Variants in PDE4D observed in about 807,000 individuals in gnomAD.
The protein encoded by PDE4D is 3',5'-cyclic-AMP phosphodiesterase 4D.
In PDE4D, 24 loss-of-function variants were observed where a neutral mutation model predicts 87.4. The ratio of observed to expected loss-of-function variants is 0.27; its 90% CI spans 0.20 to 0.39. The LOEUF (loss-of-function observed/expected upper bound fraction) is 0.39, where lower values mean the gene tolerates loss of function less well. Ranked by LOEUF, PDE4D falls within the 10% of genes least tolerant of loss-of-function variation. PDE4D has a pLI of 1.00. For missense variants in PDE4D, 714 were observed against 1,041.0 expected (o/e 0.69, Z 4.32); for synonymous variants, 384 against 383.2 (o/e 1.00, Z -0.02).
At chr5:59,984,312 A>G (rs1348956262) in intron 3 of PDE4D, among the ~76,000 whole-genome samples, 1 of 152,244 alleles carries the variant, frequency 6.6e-6, no homozygotes, top group Non-Finnish European at 1.5e-5. Context: ...TGCCACGTTC[A>G]TAACATTTCA....
intron 5 of PDE4D, among the ~76,000 whole-genome samples, chr5:59,126,634 A>G (rs193028830): frequency 6.6e-6 from 1 of 152,346 alleles, no homozygotes; most frequent in East Asian, 1.9e-4. Flanking sequence ...CATTTGAAAT[A>G]GGAGTTTCAC....
At chr5:59,909,527 C>T (rs575208501) in intron 3 of PDE4D, among the ~76,000 whole-genome samples, 25 of 152,014 alleles carry the variant, frequency 1.6e-4, no homozygotes, top group Non-Finnish European at 3.2e-4. Flanking sequence ...TCCCGAGCAG[C>T]GGGATTACAG....
At chr5:60,337,380 T>TACACACACACACACACACACAC (rs1474890248) in intron 1 of PDE4D, among the ~76,000 whole-genome samples, 1 of 118,214 alleles carries the variant, frequency 8.5e-6, no homozygotes, top group African/African-American at 3.8e-5. Flanking sequence ...TATATATATA[T>TACACACACACACACACACACAC]ATATATATAC....
At chr5:59,931,412 TAC>T (rs1285270728) in intron 3 of PDE4D, among the ~76,000 whole-genome samples, 2 of 152,176 alleles carry the variant, frequency 1.3e-5, no homozygotes, top group African/African-American at 4.8e-5. Flanking sequence ...GAAACTTTCT[TAC>T]AGTTACGGAG....
chr5:59,189,422 G>C (rs1272239813), intron 3 of PDE4D, among the ~76,000 whole-genome samples: 1 of 151,854 alleles, frequency 6.6e-6, no homozygotes, highest in Non-Finnish European at 1.5e-5. Flanking sequence ...GGTTTCTCCA[G>C]GGATCCAGCA....
intron 1 of PDE4D, among the ~76,000 whole-genome samples, chr5:60,475,405 C>T (rs565009844): frequency 1.3e-5 from 2 of 152,136 alleles, no homozygotes; most frequent in South Asian, 2.1e-4. Flanking sequence ...GCCAGAAGAG[C>T]CAGGTCCTTC....
rs747795129 is a variant in PDE4D, at chr5:58,975,028, A to T, written c.2066T>A (p.Leu689His). 1 of 1,597,742 alleles carries T rather than the reference A, an allele frequency of 6.3e-7. No individual in the cohort carries two copies. The highest frequency in any genetic ancestry group is 1.1e-5 in the South Asian group (1 of 89,310). ...VHPLWETWAD[L>H]VHPDAQDILD... ...AATATCCTGGGCGTCAGGGTGGACGAGGTCTGCCCATGTCTCCCAGAGGGG... is the reference window on the plus strand; with the variant it reads ...AATATCCTGGGCGTCAGGGTGGACGTGGTCTGCCCATGTCTCCCAGAGGGG... The change falls in exon 15 of 15, where the codon CTC (leucine) becomes CAC (histidine). Residue 689 changes from leucine (L) to histidine (H), a missense_variant. Transcript: ENST00000340635. This position sits in a 1 kb window ranked among gnomAD's most constrained non-coding sequence, Gnocchi z 4.2.
At chr5:59,131,440 C>T (rs1013581972) in intron 5 of PDE4D, among the ~76,000 whole-genome samples, 3 of 152,104 alleles carry the variant, frequency 2.0e-5, no homozygotes, top group Admixed American at 6.6e-5. Flanking sequence ...AGCTGTGTTT[C>T]GCACTGCAAG....
At chr5:59,720,505 T>C (rs1755673232) in intron 1 of PDE4D, among the ~76,000 whole-genome samples, 1 of 152,150 alleles carries the variant, frequency 6.6e-6, no homozygotes, top group African/African-American at 2.4e-5. Flanking sequence ...AGAAATCTGC[T>C]TTGTAAACAA....
chr5:60,421,255 T>C (rs925444745), intron 1 of PDE4D, among the ~76,000 whole-genome samples: 3 of 152,186 alleles, frequency 2.0e-5, no homozygotes, highest in Admixed American at 6.5e-5. Context: ...GACCCCCACA[T>C]AGCTTAACTG....
At chr5:60,089,380 G>A (rs1774865173) in intron 2 of PDE4D, among the ~76,000 whole-genome samples, 1 of 151,770 alleles carries the variant, frequency 6.6e-6, no homozygotes, top group Non-Finnish European at 1.5e-5. Flanking sequence ...AAAGCAATAA[G>A]AGAAGGAACA....
chr5:59,686,793 C>A (rs1749941823), intron 1 of PDE4D, among the ~76,000 whole-genome samples: 1 of 152,100 alleles, frequency 6.6e-6, no homozygotes, highest in South Asian at 2.1e-4. Flanking sequence ...AAGGTGAGAA[C>A]TAAATGCTCT....
At chr5:60,104,276 A>G (rs966965801) in intron 2 of PDE4D, among the ~76,000 whole-genome samples, 6 of 152,218 alleles carry the variant, frequency 3.9e-5, no homozygotes, top group Non-Finnish European at 5.9e-5. Context: ...GCAGTCTGAG[A>G]TCAAACTGCA....
chr5:59,103,415 T>C (rs1291900595), intron 5 of PDE4D, among the ~76,000 whole-genome samples: 1 of 152,058 alleles, frequency 6.6e-6, no homozygotes, highest in Non-Finnish European at 1.5e-5. Flanking sequence ...AGATGTGACT[T>C]GTTTGGCCCA....
At chr5:59,279,817 G>A (rs922330764) in intron 1 of PDE4D, among the ~76,000 whole-genome samples, 24 of 151,830 alleles carry the variant, frequency 1.6e-4, no homozygotes, top group African/African-American at 5.6e-4. Context: ...GTGTGTTTGT[G>A]TGTGTGTGTG....
At chr5:59,768,055 T>C (rs1029343606) in intron 1 of PDE4D, among the ~76,000 whole-genome samples, 9 of 152,156 alleles carry the variant, frequency 5.9e-5, no homozygotes, top group African/African-American at 2.2e-4. Flanking sequence ...CCACTCCTAG[T>C]ACCAGTCTCC....
At chr5:60,143,672 G>GC (rs1780752606) in intron 2 of PDE4D, among the ~76,000 whole-genome samples, 1 of 144,560 alleles carries the variant, frequency 6.9e-6, no homozygotes, top group Non-Finnish European at 1.5e-5. Flanking sequence ...TTTTGGGGAG[G>GC]GGGCGGTTAA....
At chr5:59,880,701 T>C (rs1477205532) in intron 1 of PDE4D, among the ~76,000 whole-genome samples, 1 of 152,230 alleles carries the variant, frequency 6.6e-6, no homozygotes, top group Non-Finnish European at 1.5e-5. Flanking sequence ...ATAATCATTA[T>C]GTTTGAGCTC....
At chr5:60,510,909 C>T (rs1328319616) in intron 1 of PDE4D, among the ~76,000 whole-genome samples, 1 of 152,146 alleles carries the variant, frequency 6.6e-6, no homozygotes, top group Non-Finnish European at 1.5e-5. Context: ...CACAATTATC[C>T]TTGGTAACAG....
Sources: allele counts gnomAD v4.1 joint callset (sites outside exome capture counted in the v4.1 genomes callset), GRCh38; gene constraint gnomAD v4.1.1; non-coding constraint Gnocchi (gnomAD v3.1); transcripts MANE v1.5; gene names NCBI Gene and HGNC (gene_info 2026-07-23, HGNC 2026-07-21).